CYREN: variants seen among roughly 807,000 people sequenced by gnomAD.
The protein encoded by CYREN is cell cycle regulator of non-homologous end joining.
Under a neutral mutation model 9.7 loss-of-function variants are expected in CYREN, and 7 were observed. That is an observed-to-expected ratio of 0.72 (90% CI 0.41 to 1.36). CYREN has a LOEUF of 1.36. Among genes scored for constraint, CYREN ranks in the 40% most tolerant of loss-of-function variants. The pLI is 0.01. For missense variants in CYREN, 215 were observed against 198.1 expected (o/e 1.09, Z -0.51); for synonymous variants, 76 against 77.9 (o/e 0.98, Z 0.13).
chr7:135,157,351 G>A (rs1402596502), intron 2 of CYREN, among the ~76,000 whole-genome samples: 2 of 152,214 alleles, frequency 1.3e-5, no homozygotes, highest in Admixed American at 1.3e-4. Context: ...TGTTCTCTGT[G>A]ATTTCCTCAG....
At chr7:135,123,258 C>G (rs187236348) in intron 2 of CYREN, among the ~76,000 whole-genome samples, 2 of 152,226 alleles carry the variant, frequency 1.3e-5, no homozygotes, top group East Asian at 3.9e-4. Context: ...ACACAAGTAT[C>G]AATAGCCGAA....
At chr7:135,164,314 C>T (rs2117474678), downstream of CYREN, 1 of 960,282 alleles carries the variant, frequency 1.0e-6, no homozygotes, top group South Asian at 1.7e-5. Flanking sequence ...AGGAGGGAAA[C>T]TTGCCATGAG....
rs778225788 is a variant in CYREN, at chr7:135,166,725, T to A, written c.360A>T (p.Pro120=). 2 of 1,613,952 alleles carry A rather than the reference T, an allele frequency of 1.2e-6. No homozygotes were observed. The highest frequency in any genetic ancestry group is 2.2e-5 in the South Asian group (2 of 91,088). The change falls in exon 4 of 4, where the codon CCA becomes CCT. Residue 120 remains proline (P), a synonymous_variant. Coordinates refer to ENST00000393114, the MANE Select transcript of CYREN (RefSeq NM_024033.4). The part of the protein sequence containing the change: ...EEDSGKQALA[P]GLSPSQRPGG... ...CCGGCCTCTGGGAAGGGCTGAGGCC[T>A]GGAGCCAGTGCCTGTTTCCCACTGT...
chr7:135,162,165 T>A (rs549745991), downstream of CYREN, among the ~76,000 whole-genome samples: 1 of 152,304 alleles, frequency 6.6e-6, no homozygotes, highest in African/African-American at 2.4e-5. Flanking sequence ...GTGTGTAGAA[T>A]GAGACAGACC....
intron 2 of CYREN, among the ~76,000 whole-genome samples, chr7:135,117,641 A>G (rs1826515328): frequency 6.6e-6 from 1 of 152,240 alleles, no homozygotes; most frequent in South Asian, 2.1e-4. Flanking sequence ...TGTAAGAAAA[A>G]CAACAACAAC....
At chr7:135,120,141 G>C (rs1826936367) in intron 2 of CYREN, among the ~76,000 whole-genome samples, 1 of 152,096 alleles carries the variant, frequency 6.6e-6, no homozygotes, top group African/African-American at 2.4e-5. Flanking sequence ...TTTCTAAACA[G>C]ATAGAAAATG....
In CYREN at chr7:135,169,813, A is replaced by C. The variant is rs866030693; in HGVS notation, c.-138-753T>G. Among the ~76,000 whole-genome samples, 9 of 152,328 alleles carry C rather than the reference A, an allele frequency of 5.9e-5. No homozygotes were observed. The South Asian group carries it at 1.0e-3, about 18-fold the overall frequency. ...AGCTCCTGAAGCGGAGGTTTGCCCA[A>C]AAAAAAGAGTAGTCAGCGATAGTCC... On this transcript the variant is annotated intron_variant, in intron 1 of 3. Transcript: ENST00000393114.
At chr7:135,149,778 T>C (rs1241035948) in intron 2 of CYREN, among the ~76,000 whole-genome samples, 1 of 152,240 alleles carries the variant, frequency 6.6e-6, no homozygotes, top group Non-Finnish European at 1.5e-5. Flanking sequence ...TTTTTTTTCA[T>C]GTTAGTTAAC....
intron 2 of CYREN, among the ~76,000 whole-genome samples, chr7:135,110,320 G>A (rs1753383835): frequency 6.6e-6 from 1 of 152,180 alleles, no homozygotes; most frequent in Admixed American, 6.5e-5. Context: ...CTTTCCTAGG[G>A]GTATGTACAG....
intron 2 of CYREN, among the ~76,000 whole-genome samples, chr7:135,122,034 A>C (rs961113073): frequency 6.6e-6 from 1 of 152,204 alleles, no homozygotes; most frequent in Admixed American, 6.5e-5. Context: ...GGGAGGCATG[A>C]CCAGCACCAC....
intron 2 of CYREN, among the ~76,000 whole-genome samples, chr7:135,131,231 CAT>C (rs1828714050): frequency 6.6e-6 from 1 of 152,068 alleles, no homozygotes; most frequent in Non-Finnish European, 1.5e-5. Context: ...CCAAACACCA[CAT>C]GTTTTCACTC....
chr7:135,171,072 C>A (rs574271191), upstream of CYREN, among the ~76,000 whole-genome samples: 1 of 152,172 alleles, frequency 6.6e-6, no homozygotes, highest in Non-Finnish European at 1.5e-5. Context: ...CCAGGCCCCC[C>A]TCGTGTGCTT....
intron 2 of CYREN, chr7:135,115,539 G>C (rs1274679166): frequency 1.3e-6 from 2 of 1,551,420 alleles, no homozygotes; most frequent in African/African-American, 2.7e-5. Flanking sequence ...ATCGTGCATA[G>C]CACTAAAAAC....
At chr7:135,142,753 C>G (rs976928250) in intron 2 of CYREN, among the ~76,000 whole-genome samples, 1 of 151,816 alleles carries the variant, frequency 6.6e-6, no homozygotes, top group Non-Finnish European at 1.5e-5. Flanking sequence ...AAACGAAATA[C>G]TTAAGTATGT....
At chr7:135,170,001 C>T (rs1830532026) in intron 1 of CYREN, among the ~76,000 whole-genome samples, 1 of 152,260 alleles carries the variant, frequency 6.6e-6, no homozygotes, top group Non-Finnish European at 1.5e-5. Flanking sequence ...GTGACTCCTA[C>T]CCCCTAAGGC....
At chr7:135,128,644 T>G (rs1272484983) in intron 2 of CYREN, 9 of 907,670 alleles carry the variant, frequency 9.9e-6, no homozygotes, top group Admixed American at 7.2e-5. Context: ...TTTGCCTGGA[T>G]GCAATTTCTT....
At chr7:135,092,712 C>A (rs1822036280) in exon 3 of CYREN, 1 of 151,982 alleles carries the variant, frequency 6.6e-6, no homozygotes, top group East Asian at 1.9e-4. Flanking sequence ...GTTAAGATTT[C>A]AGGGGCCAAA....
At chr7:135,171,512 C>T (rs292510), upstream of CYREN, among the ~76,000 whole-genome samples, 141,030 of 152,178 alleles carry the variant, frequency 0.93, 66,240 homozygotes, top group Non-Finnish European at 1. Flanking sequence ...TCTGTTTCTC[C>T]CTGACCATCG....
In CYREN at chr7:135,129,140, T is replaced by G. The variant is rs1243501747; in HGVS notation, n.357-34558A>C. 6 of 1,509,922 alleles carry G rather than the reference T, an allele frequency of 4.0e-6. No individual in the cohort carries two copies. In the African/African-American group the frequency reaches 8.3e-5, roughly 21 times the overall value. The allele number at this position is 1,509,922 out of a possible 1,614,324, so 93.5% of individuals were successfully genotyped here. On this transcript the variant is annotated intron_variant and non_coding_transcript_variant, in intron 2 of 2. Coordinates refer to the CYREN transcript ENST00000459937. The stretch of plus-strand genomic sequence containing the variant: ...TGGAAGCAGAGTTATTTGCCTATTA[T>G]GACTGCCTTCTCCTCCAGTCCACCT...
Sources: gnomAD v4.1 joint callset for allele counts (sites outside exome capture counted in the v4.1 genomes callset) on GRCh38, gnomAD v4.1.1 for gene constraint, MANE v1.5 for transcripts, NCBI Gene and HGNC (gene_info 2026-07-23, HGNC 2026-07-21) for gene names.